The following KCNK1 variants were observed in gnomAD, a reference collection of about 807,000 sequenced individuals.
KCNK1 encodes potassium two pore domain channel subfamily K member 1.
In KCNK1, 10 loss-of-function variants were observed where a neutral mutation model predicts 22.2. That is an observed-to-expected ratio of 0.45 (90% confidence interval 0.28 to 0.76). The LOEUF (loss-of-function observed/expected upper bound fraction) is 0.76. Ranked by LOEUF, KCNK1 falls within the 30% of genes least tolerant of loss-of-function variation. The probability of loss-of-function intolerance (pLI) is 0.14; values close to 1 mark genes in which losing one functional copy is unlikely to be tolerated. For missense variants in KCNK1, 378 were observed against 421.0 expected, an observed-to-expected ratio of 0.90 and a Z score of 0.89; for synonymous variants, 200 against 186.4, an observed-to-expected ratio of 1.07 and a Z score of -0.60.
chr1:233,643,401 A>G (rs6665726), intron 1 of KCNK1, among the ~76,000 whole-genome samples: 3,931 of 152,268 alleles, frequency 0.026, 174 homozygotes, highest in African/African-American at 0.089. Context: ...ATCCATGTCT[A>G]TGTATGAGCT....
In KCNK1 at chr1:233,671,921, CA is replaced by C. The variant is rs945313188; in HGVS notation, c.*402del. The C allele has an allele frequency of 0.018, 2,751 of 151,564 alleles. No homozygotes were observed. Among genetic ancestry groups the C allele is most frequent in the South Asian group, 0.055 (357 of 6,446 alleles). The allele number at this position is 151,564 out of a possible 1,614,324, so 9.4% of individuals were successfully genotyped here. On this transcript the variant is annotated 3_prime_UTR_variant, in exon 3 of 3. Coordinates refer to ENST00000366621, the MANE Select transcript of KCNK1 (RefSeq NM_002245.4). ...AAATAGCAAAATTTATATTTAGAAG[CA>C]AAAAAAAAAAGCATAGAGATGTGTT...
In KCNK1 at chr1:233,666,647, C is replaced by T. The variant is rs1311060718; in HGVS notation, c.408C>T (p.Ile136=). The T allele has an allele frequency of 6.2e-7, 1 of 1,614,038 alleles. No homozygotes were observed. The change falls in exon 2 of 3, where the codon ATC becomes ATT. Residue 136 remains isoleucine, a synonymous_variant. Transcript: ENST00000366621. The part of the protein sequence containing the change: ...LSDGGKAFCI[I]YSVIGIPFTL... The stretch of plus-strand genomic sequence containing the variant: ...ATGGAGGTAAGGCCTTCTGCATCAT[C>T]TACTCCGTCATTGGCATTCCCTTCA...
intron 1 of KCNK1, among the ~76,000 whole-genome samples, chr1:233,641,634 G>A (rs1428324742): frequency 6.6e-6 from 1 of 152,170 alleles, no homozygotes; most frequent in Non-Finnish European, 1.5e-5. Flanking sequence ...CCTTCTTCCT[G>A]TGCTGGGGTC....
chr1:233,629,767 G>C (rs1657758047), intron 1 of KCNK1: 1 of 152,214 alleles, frequency 6.6e-6, no homozygotes, highest in Non-Finnish European at 1.5e-5. Flanking sequence ...CAGGGATGAA[G>C]GAAAACCATG....
intron 2 of KCNK1, among the ~76,000 whole-genome samples, chr1:233,671,003 T>C (rs1256316770): frequency 6.6e-6 from 1 of 151,378 alleles, no homozygotes; most frequent in Non-Finnish European, 1.5e-5. Flanking sequence ...CCCCAAGTAT[T>C]TTTTTTTTCT....
chr1:233,625,991 CAGG>C (rs1287070043), intron 1 of KCNK1, among the ~76,000 whole-genome samples: 1 of 152,074 alleles, frequency 6.6e-6, no homozygotes, highest in African/African-American at 2.4e-5. Flanking sequence ...GGAAAAGCAC[CAGG>C]AGATTTTGAG....
intron 1 of KCNK1, among the ~76,000 whole-genome samples, chr1:233,653,364 T>A (rs1399290973): frequency 6.6e-6 from 1 of 152,178 alleles, no homozygotes; most frequent in Non-Finnish European, 1.5e-5. Context: ...TATACCTGAA[T>A]AATAATAAAA....
Position 233,618,246 on chromosome 1 carries a change from G to A in KCNK1, c.355+3720G>A, listed in dbSNP as rs577758787. Among the ~76,000 whole-genome samples the A allele has an allele frequency of 1.3e-4, 20 of 152,236 alleles. No homozygotes were observed. In the South Asian group the frequency reaches 3.7e-3, roughly 28 times the overall value. ...ATCACCCTTCATTCTAAAAGATACGGCAACATCTGCATAGGAATCTTATGA... is the reference window on the plus strand; with the variant it reads ...ATCACCCTTCATTCTAAAAGATACGACAACATCTGCATAGGAATCTTATGA... On this transcript the variant is annotated intron_variant, in intron 1 of 2. Transcript: ENST00000366621.
intron 1 of KCNK1, among the ~76,000 whole-genome samples, chr1:233,617,706 A>G (rs1013972989): frequency 3.9e-5 from 6 of 152,164 alleles, no homozygotes; most frequent in African/African-American, 1.4e-4. Flanking sequence ...TCAGGAGTTC[A>G]AGACTGCAGT....
At position 233,666,514 on chromosome 1, in the gene KCNK1, A is replaced by G. The variant is rs774159868; in HGVS notation, c.356-81A>G. 7.4e-6 allele frequency: 10 copies of G among 1,356,860 alleles called. No individual in the cohort carries two copies. The African/African-American group carries it at 1.2e-4, about 16-fold the overall frequency. The allele number at this position is 1,356,860 out of a possible 1,614,324, so 84.1% of individuals were successfully genotyped here. ...TTTGGTTTGAGGGGAATAAGGGCAG[A>G]TGATAGGCATATATTGTTTAAAAAC... On this transcript the variant is annotated intron_variant, in intron 1 of 2. Coordinates refer to ENST00000366621, the MANE Select transcript of KCNK1 (RefSeq NM_002245.4).
chr1:233,624,495 A>C (rs962491554), intron 1 of KCNK1, among the ~76,000 whole-genome samples: 1 of 152,058 alleles, frequency 6.6e-6, no homozygotes, highest in African/African-American at 2.4e-5. Context: ...CTCACCTGGC[A>C]CCTGGTTCCC....
chr1:233,628,777 A>ATAC (rs1056448588), intron 1 of KCNK1, among the ~76,000 whole-genome samples: 4 of 151,836 alleles, frequency 2.6e-5, no homozygotes, highest in African/African-American at 9.7e-5. Flanking sequence ...AATAATAATA[A>ATAC]TAATAAATTT....
At chr1:233,636,547 T>G (rs566753964) in intron 1 of KCNK1, 25 of 152,436 alleles carry the variant, frequency 1.6e-4, no homozygotes, top group African/African-American at 6.0e-4. Context: ...TAAACCCCAG[T>G]AGAGCCAAGT....
intron 1 of KCNK1, among the ~76,000 whole-genome samples, chr1:233,656,148 A>G (rs1310646766): frequency 2.0e-5 from 3 of 152,220 alleles, no homozygotes; most frequent in Non-Finnish European, 4.4e-5. Flanking sequence ...GACCATCAGG[A>G]TGGCTAGATA....
chr1:233,670,674 C>T (rs528709592), intron 2 of KCNK1, among the ~76,000 whole-genome samples: 6 of 148,340 alleles, frequency 4.0e-5, no homozygotes, highest in South Asian at 4.2e-4. Flanking sequence ...GACTTACCCC[C>T]ATGATTCAAC....
At position 233,671,322 on chromosome 1, in the gene KCNK1, G is replaced by A. The variant is rs34957762; in HGVS notation, c.803G>A (p.Cys268Tyr). 567 of 1,614,168 alleles carry A rather than the reference G, an allele frequency of 3.5e-4. No individual in the cohort carries two copies. The highest frequency in any genetic ancestry group is 3.6e-4 in the Non-Finnish European group (421 of 1,180,020). The stretch of plus-strand genomic sequence containing the variant: ...ATGTTGGTAGTTCTGGAAACCTTCT[G>A]TGAACTCCATGAGCTGAAAAAATTC... Reference protein sequence around the residue: ...IAMLVVLETFCELHELKKFRK... With the variant: ...IAMLVVLETFYELHELKKFRK... The change falls in exon 3 of 3, where the codon TGT (cysteine) becomes TAT (tyrosine). Residue 268 changes from cysteine to tyrosine, a missense_variant. Coordinates refer to ENST00000366621, the MANE Select transcript of KCNK1 (RefSeq NM_002245.4).
intron 2 of KCNK1, among the ~76,000 whole-genome samples, chr1:233,668,300 C>A (rs1166041652): frequency 6.6e-6 from 1 of 152,148 alleles, no homozygotes; most frequent in East Asian, 1.9e-4. Context: ...AATTCTTAAC[C>A]CTACAAAATG....
At chr1:233,656,535 T>C (rs997002706) in intron 1 of KCNK1, among the ~76,000 whole-genome samples, 1 of 152,254 alleles carries the variant, frequency 6.6e-6, no homozygotes, top group African/African-American at 2.4e-5. Flanking sequence ...TTATTGATTC[T>C]TTGTTGGGTA....
intron 1 of KCNK1, among the ~76,000 whole-genome samples, chr1:233,620,058 A>C (rs1198268425): frequency 6.6e-6 from 1 of 152,092 alleles, no homozygotes; most frequent in Non-Finnish European, 1.5e-5. Flanking sequence ...AATGGTTGGG[A>C]CAAAAAAAAA....
Sources: allele counts gnomAD v4.1 joint callset (sites outside exome capture counted in the v4.1 genomes callset), GRCh38; gene constraint gnomAD v4.1.1; transcripts MANE v1.5; gene names NCBI Gene and HGNC (gene_info 2026-07-23, HGNC 2026-07-21).